Variants in ERG observed in about 807,000 individuals in gnomAD.
The protein encoded by ERG is ETS transcription factor ERG.
In ERG, 9 loss-of-function variants were observed where a neutral mutation model predicts 55.3. The ratio of observed to expected loss-of-function variants is 0.16; its 90% confidence interval spans 0.10 to 0.28. The LOEUF (loss-of-function observed/expected upper bound fraction) is 0.28, where lower values mean the gene tolerates loss of function less well. Ranked by LOEUF, ERG falls within the 10% of genes least tolerant of loss-of-function variation. ERG has a pLI of 1.00. For synonymous variants in ERG, 223 were observed against 237.3 expected (o/e 0.94, Z 0.55); for missense variants, 434 against 631.6 (o/e 0.69, Z 3.35).
intron 1 of ERG, among the ~76,000 whole-genome samples, chr21:38,447,497 C>T (rs1206462340): frequency 6.7e-6 from 1 of 148,308 alleles, no homozygotes; most frequent in African/African-American, 2.5e-5. Flanking sequence ...TGATACGAGG[C>T]AGTGACACAG....
rs143233807 is a variant in ERG at position 38,403,662 on chromosome 21, C to T, written c.436G>A (p.Ala146Thr). The T allele has an allele frequency of 5.0e-6, 8 of 1,614,064 alleles. No individual in the cohort carries two copies. Among genetic ancestry groups the T allele is most frequent in the Non-Finnish European group, 6.8e-6 (8 of 1,180,038 alleles). ...TDHVRQWLEWAVKEYGLPDVN... is the reference protein window; with the variant it reads ...TDHVRQWLEWTVKEYGLPDVN... ...TCTGGAAGGCCATATTCTTTCACCG[C>T]CCACTCCAGCCACTGCCGCACATGG... Residue 146 changes from alanine to threonine, a missense_variant, in exon 4 of 10, where the codon GCG becomes ACG. By Grantham distance (58) the Ala-to-Thr change is moderately conservative (BLOSUM62 0). Around this residue, in one of 5 missense-constraint regions of ERG, gnomAD observed 212 missense variants for 262.9 expected, o/e 0.81. Transcript: ENST00000288319.
chr21:38,482,747 G>A (rs2059249323), intron 1 of ERG, among the ~76,000 whole-genome samples: 1 of 151,180 alleles, frequency 6.6e-6, no homozygotes, highest in Admixed American at 6.6e-5. Flanking sequence ...GCATGATCTC[G>A]ACTGACTGCA....
intron 1 of ERG, among the ~76,000 whole-genome samples, chr21:38,452,839 C>A (rs2095702081): frequency 6.6e-6 from 1 of 152,264 alleles, no homozygotes; most frequent in Non-Finnish European, 1.5e-5. Context: ...TCTTTGCCCA[C>A]ATACTTCTCC....
chr21:38,592,446 C>T (rs984886084), intron 1 of ERG, among the ~76,000 whole-genome samples: 1 of 152,142 alleles, frequency 6.6e-6, no homozygotes, highest in Admixed American at 6.5e-5. Context: ...ACCAGGGAGG[C>T]GGAGTTCCAA....
At chr21:38,534,564 AAAAT>A (rs1175652288) in intron 2 of ERG, among the ~76,000 whole-genome samples, 1 of 150,836 alleles carries the variant, frequency 6.6e-6, no homozygotes, top group African/African-American at 2.5e-5. Context: ...AAAAAAATTA[AAAAT>A]AACAATGGTG....
chr21:38,370,613 T>C, the ERG span, among the ~76,000 whole-genome samples: 2 of 152,106 alleles, frequency 1.3e-5, no homozygotes, highest in African/African-American at 2.4e-5. Flanking sequence ...TGGTATTATG[T>C]AGGGGTCCAA....
chr21:38,377,223 T>C (rs1281224096), downstream of ERG, among the ~76,000 whole-genome samples: 4 of 152,246 alleles, frequency 2.6e-5, no homozygotes, highest in Non-Finnish European at 2.9e-5. Flanking sequence ...TAAGCTATTA[T>C]TATTATCAAA....
At chr21:38,430,842 C>T (rs1990168833) in intron 2 of ERG, among the ~76,000 whole-genome samples, 1 of 152,212 alleles carries the variant, frequency 6.6e-6, no homozygotes, top group African/African-American at 2.4e-5. Context: ...AGGCCACACT[C>T]CTTGAGGAGT....
intron 2 of ERG, among the ~76,000 whole-genome samples, chr21:38,568,772 G>A (rs915820849): frequency 3.3e-5 from 5 of 152,128 alleles, no homozygotes; most frequent in African/African-American, 4.8e-5. Flanking sequence ...AGGACGTGTC[G>A]ATGGAGGGTC....
chr21:38,580,624 G>A (rs1333030872), intron 1 of ERG, among the ~76,000 whole-genome samples: 1 of 151,030 alleles, frequency 6.6e-6, no homozygotes, highest in African/African-American at 2.5e-5. Flanking sequence ...TTTATTATTG[G>A]GTATCTTAAA....
Position 38,382,694 on chromosome 21 carries a change from C to G in ERG, c.*709G>C. On this transcript the variant is annotated 3_prime_UTR_variant, in exon 10 of 10. Coordinates refer to ENST00000288319, the MANE Select transcript of ERG (RefSeq NM_182918.4). ...CCTCCTTCTCTGCCTCTTCCTCCTC[C>G]TTCTTCACCCCTCTGTCTACAATCA... is the stretch of plus-strand genomic sequence containing the variant. The G allele has an allele frequency of 9.4e-7, 1 of 1,066,930 alleles. No individual in the cohort carries two copies. The highest frequency in any genetic ancestry group is 1.1e-6 in the Non-Finnish European group (1 of 879,978). The allele number at this position is 1,066,930 out of a possible 1,614,324, so 66.1% of individuals were successfully genotyped here.
intron 2 of ERG, among the ~76,000 whole-genome samples, chr21:38,436,020 C>CTTT (rs11384369): frequency 2.9e-4 from 38 of 133,320 alleles, no homozygotes; most frequent in African/African-American, 8.5e-4. Flanking sequence ...TTCTTTTTTT[C>CTTT]TTTTTTTTTT....
chr21:38,387,508 GCT>G, intron 9 of ERG, among the ~76,000 whole-genome samples: 1 of 152,166 alleles, frequency 6.6e-6, no homozygotes, highest in East Asian at 1.9e-4. Context: ...AACTCTCGCA[GCT>G]CTCTCTGCCT....
chr21:38,438,160 C>T (rs532231380), intron 2 of ERG, among the ~76,000 whole-genome samples: 1 of 152,352 alleles, frequency 6.6e-6, no homozygotes, highest in East Asian at 1.9e-4. Flanking sequence ...GGGCATTCTC[C>T]CTCAACTGCC....
chr21:38,445,636 A>G lies in ERG; in HGVS notation c.19-15T>C. ...GATAAGGCTTCCTGAATGCCCAAAG[A>G]AACACATAATTCAAGACACTCCAAC... On this transcript the variant is annotated splice_polypyrimidine_tract_variant and intron_variant, in intron 1 of 9. Transcript: ENST00000288319. The G allele has an allele frequency of 6.2e-7, 1 of 1,608,342 alleles. No homozygotes were observed.
At chr21:38,620,045 C>G (rs185966461) in intron 1 of ERG, among the ~76,000 whole-genome samples, 1 of 152,206 alleles carries the variant, frequency 6.6e-6, no homozygotes, top group Non-Finnish European at 1.5e-5. Flanking sequence ...CGCCACAGAA[C>G]GCCAGCCAAG....
At chr21:38,530,132 T>C (rs2059661769) in intron 2 of ERG, among the ~76,000 whole-genome samples, 1 of 152,046 alleles carries the variant, frequency 6.6e-6, no homozygotes, top group African/African-American at 2.4e-5. Context: ...CGAACTCAGC[T>C]CACTGCAACC....
At chr21:38,604,905 A>G (rs186801931) in intron 1 of ERG, among the ~76,000 whole-genome samples, 151 of 152,362 alleles carry the variant, frequency 9.9e-4, no homozygotes, top group Admixed American at 2.0e-3. Context: ...TGAAATGTTA[A>G]CCAGAAAGTG....
At chr21:38,418,017 A>T (rs969621595) in intron 3 of ERG, among the ~76,000 whole-genome samples, 2 of 151,996 alleles carry the variant, frequency 1.3e-5, no homozygotes. Context: ...GCAATGAGTG[A>T]TTCTTCATTT....
Sources: gnomAD v4.1 joint callset for allele counts (sites outside exome capture counted in the v4.1 genomes callset) on GRCh38, gnomAD v4.1.1 for gene constraint, gnomAD v4.1.1 regional missense constraint, MANE v1.5 for transcripts, NCBI Gene and HGNC (gene_info 2026-07-23, HGNC 2026-07-21) for gene names.